The following DLGAP1 variants were observed in gnomAD, a reference collection of about 807,000 sequenced individuals.
DLGAP1 encodes the protein DLG associated protein 1.
DLGAP1 carries 11 observed loss-of-function variants against 90.8 expected under a neutral mutation model. The ratio of observed to expected loss-of-function variants is 0.12; its 90% CI spans 0.08 to 0.20. The LOEUF (loss-of-function observed/expected upper bound fraction) is 0.20. DLGAP1 is among the 10% of genes least tolerant of loss of function. The probability of loss-of-function intolerance (pLI) is 1.00; values close to 1 mark genes in which losing one functional copy is unlikely to be tolerated. For synonymous variants in DLGAP1, 558 were observed against 540.7 expected (o/e 1.03, Z -0.44); for missense variants, 1,050 against 1,333.8 (o/e 0.79, Z 3.31).
intron 6 of DLGAP1, among the ~76,000 whole-genome samples, chr18:3,737,423 C>T (rs2062694648): frequency 7.2e-6 from 1 of 139,282 alleles, no homozygotes; most frequent in Admixed American, 7.3e-5. Flanking sequence ...AGCTTATCCA[C>T]CATGATCAAG....
chr18:4,050,327 C>A (rs558147434), intron 2 of DLGAP1, among the ~76,000 whole-genome samples: 1 of 152,142 alleles, frequency 6.6e-6, no homozygotes, highest in African/African-American at 2.4e-5. Flanking sequence ...CACATATTTA[C>A]GTAATAATCC....
intron 4 of DLGAP1, among the ~76,000 whole-genome samples, chr18:3,875,617 T>C (rs2070979324): frequency 6.6e-6 from 1 of 152,204 alleles, no homozygotes; most frequent in South Asian, 2.1e-4. Flanking sequence ...TAACCTAATT[T>C]ACGAAATCTT....
At chr18:3,945,062 G>T (rs1212954125) in intron 3 of DLGAP1, among the ~76,000 whole-genome samples, 2 of 152,160 alleles carry the variant, frequency 1.3e-5, no homozygotes, top group Non-Finnish European at 2.9e-5. Flanking sequence ...GCCATTGAAA[G>T]CCAGGTTCTG....
At chr18:3,712,117 A>C (rs1156244248) in intron 7 of DLGAP1, among the ~76,000 whole-genome samples, 1 of 152,200 alleles carries the variant, frequency 6.6e-6, no homozygotes, top group Non-Finnish European at 1.5e-5. Context: ...CTGAGGCTGC[A>C]AACCCAGAAC....
At chr18:4,420,930 T>C (rs1448351468) in intron 1 of DLGAP1, among the ~76,000 whole-genome samples, 2 of 152,190 alleles carry the variant, frequency 1.3e-5, no homozygotes, top group African/African-American at 2.4e-5. Flanking sequence ...TTCCACTCCG[T>C]CTGTTATACA....
chr18:3,741,193 A>C (rs1598540811), intron 6 of DLGAP1, among the ~76,000 whole-genome samples: 4 of 63,024 alleles, frequency 6.3e-5, no homozygotes, highest in Non-Finnish European at 1.2e-4. Context: ...CACCACCACC[A>C]CCACCAAATC....
At chr18:4,074,972 G>T (rs182266014) in intron 2 of DLGAP1, among the ~76,000 whole-genome samples, 1 of 152,230 alleles carries the variant, frequency 6.6e-6, no homozygotes, top group Admixed American at 6.5e-5. Context: ...AAGAAACTTT[G>T]TTTCTTGCTT....
intron 2 of DLGAP1, among the ~76,000 whole-genome samples, chr18:4,061,677 T>TGTTACTG (rs1453054207): frequency 6.6e-6 from 1 of 152,208 alleles, no homozygotes; most frequent in African/African-American, 2.4e-5. Flanking sequence ...TGTATAAGTG[T>TGTTACTG]GTTACTGGTA....
intron 1 of DLGAP1, among the ~76,000 whole-genome samples, chr18:4,165,923 A>G (rs984859330): frequency 1.3e-5 from 2 of 152,152 alleles, no homozygotes; most frequent in African/African-American, 4.8e-5. Flanking sequence ...TTGGGAGGCT[A>G]AGGTGAGAGG....
At chr18:3,758,837 G>A (rs1598618630) in intron 5 of DLGAP1, among the ~76,000 whole-genome samples, 1 of 152,072 alleles carries the variant, frequency 6.6e-6, no homozygotes, top group African/African-American at 2.4e-5. Flanking sequence ...TTGCATTGCC[G>A]GCCAGAGTCC....
intron 1 of DLGAP1, among the ~76,000 whole-genome samples, chr18:4,381,867 A>T (rs746698196): frequency 1.3e-5 from 2 of 152,090 alleles, no homozygotes; most frequent in African/African-American, 4.8e-5. Flanking sequence ...GAGGTTTAGG[A>T]CTCACAGTTC....
At chr18:4,038,487 G>A (rs1568364392) in intron 2 of DLGAP1, among the ~76,000 whole-genome samples, 1 of 152,000 alleles carries the variant, frequency 6.6e-6, no homozygotes, top group Non-Finnish European at 1.5e-5. Context: ...ATAGTTCTGT[G>A]TTAATTTTTA....
intron 1 of DLGAP1, among the ~76,000 whole-genome samples, chr18:4,391,476 C>T (rs1418057292): frequency 3.3e-5 from 5 of 152,110 alleles, no homozygotes; most frequent in Non-Finnish European, 4.4e-5. Flanking sequence ...TTCTTTGCTA[C>T]CTCAAATGCC....
chr18:3,576,549 G>A (rs560201904), intron 8 of DLGAP1, among the ~76,000 whole-genome samples: 6 of 147,778 alleles, frequency 4.1e-5, no homozygotes, highest in South Asian at 2.2e-4. Context: ...ATGAGCCAGC[G>A]CAGCCAGCTC....
intron 1 of DLGAP1, among the ~76,000 whole-genome samples, chr18:4,408,196 G>A (rs2082704627): frequency 6.6e-6 from 1 of 152,112 alleles, no homozygotes. Flanking sequence ...CTTGATCAGA[G>A]TCTTCCCAAA....
In DLGAP1 at chr18:3,496,359, T is replaced by C. The variant is rs925869530; in HGVS notation, c.*2826A>G. ...GATAAGGCTTAAATGAAAGTGGTAA[T>C]GCACAGTAAAACATTAAGGAAACAT... is the stretch of plus-strand genomic sequence containing the variant. On this transcript the variant is annotated 3_prime_UTR_variant, in exon 13 of 13. Transcript: ENST00000315677. The C allele has an allele frequency of 7.2e-5, 11 of 152,284 alleles. No homozygotes were observed. The highest frequency in any genetic ancestry group is 2.6e-4 in the African/African-American group (11 of 41,572). 9.4% of individuals were successfully genotyped at this position (152,284 alleles called of 1,614,324 possible).
intron 1 of DLGAP1, among the ~76,000 whole-genome samples, chr18:4,247,557 C>T (rs1247683595): frequency 6.6e-6 from 1 of 152,136 alleles, no homozygotes; most frequent in Non-Finnish European, 1.5e-5. Flanking sequence ...GAGCGGATCA[C>T]CTGAGGTCAG....
intron 1 of DLGAP1, among the ~76,000 whole-genome samples, chr18:4,186,688 C>T (rs1303268482): frequency 1.3e-5 from 2 of 151,900 alleles, no homozygotes; most frequent in Non-Finnish European, 2.9e-5. Context: ...GCCCTGTGTA[C>T]CATTTGAAGT....
chr18:3,528,639 G>A (rs1182511918), intron 10 of DLGAP1, among the ~76,000 whole-genome samples: 2 of 152,204 alleles, frequency 1.3e-5, no homozygotes, highest in African/African-American at 2.4e-5. Flanking sequence ...CTAGGCCATC[G>A]TCAGGGGTAT....
Sources: allele counts gnomAD v4.1 joint callset (sites outside exome capture counted in the v4.1 genomes callset), GRCh38; gene constraint gnomAD v4.1.1; transcripts MANE v1.5; gene names NCBI Gene and HGNC (gene_info 2026-07-23, HGNC 2026-07-21).